ROR1: variants seen among roughly 807,000 people sequenced by gnomAD.
The protein encoded by ROR1 is inactive tyrosine-protein kinase transmembrane receptor ROR1.
In ROR1, 19 loss-of-function variants were observed where a neutral mutation model predicts 78.8. The observed-to-expected ratio is 0.24, with a 90% CI of 0.17 to 0.35. The LOEUF is 0.35. Among genes scored for constraint, ROR1 ranks in the 10% least tolerant of loss-of-function variants. The pLI is 1.00. For missense variants in ROR1, 917 were observed against 1,177.8 expected (o/e 0.78, Z 3.24); for synonymous variants, 386 against 433.6 (o/e 0.89, Z 1.36).
chr1:64,180,205 G>A lies in ROR1; in HGVS notation c.*1350G>A, dbSNP rs1040074420. ...TGCCGACCATCTTTTGCCAAGTTTA[G>A]AATTCTTATGCGTTTCAAGTTCTAT... On this transcript the variant is annotated 3_prime_UTR_variant, in exon 9 of 9. Transcript: ENST00000371079. The A allele has an allele frequency of 2.0e-5, 3 of 152,050 alleles. No homozygotes were observed. The highest frequency in any genetic ancestry group is 4.4e-5 in the Non-Finnish European group (3 of 67,994). 9.4% of individuals were successfully genotyped at this position (152,050 alleles called of 1,614,324 possible).
chr1:64,099,630 T>TTA (rs148813592), intron 4 of ROR1, among the ~76,000 whole-genome samples: 14,019 of 152,246 alleles, frequency 0.092, 861 homozygotes, highest in Non-Finnish European at 0.14. Flanking sequence ...ACCTAATGCT[T>TTA]TAAAGTTTGC....
intron 1 of ROR1, among the ~76,000 whole-genome samples, chr1:63,917,483 GA>G (rs1371981611): frequency 6.6e-6 from 1 of 152,000 alleles, no homozygotes; most frequent in Non-Finnish European, 1.5e-5. Context: ...TGGTAAACAG[GA>G]TTAAGCATCC....
At chr1:63,957,745 G>A (rs1018018392) in intron 1 of ROR1, among the ~76,000 whole-genome samples, 1 of 136,570 alleles carries the variant, frequency 7.3e-6, no homozygotes, top group African/African-American at 2.7e-5. Context: ...TTTGTTTTTT[G>A]TTTTTTTTTT....
intron 1 of ROR1, among the ~76,000 whole-genome samples, chr1:63,900,316 T>TTA (rs1163350939): frequency 2.0e-5 from 3 of 152,020 alleles, no homozygotes; most frequent in Non-Finnish European, 4.4e-5. Flanking sequence ...TAGTTGGGTA[T>TTA]GGTGGCAGGC....
At chr1:63,836,515 T>G (rs1410365805) in intron 1 of ROR1, among the ~76,000 whole-genome samples, 1 of 152,120 alleles carries the variant, frequency 6.6e-6, no homozygotes, top group Non-Finnish European at 1.5e-5. Flanking sequence ...TCTGAGTTGA[T>G]GAGTATAAAA....
intron 1 of ROR1, among the ~76,000 whole-genome samples, chr1:63,923,409 G>C (rs901747170): frequency 6.6e-6 from 1 of 152,106 alleles, no homozygotes; most frequent in African/African-American, 2.4e-5. Flanking sequence ...TGAGTTGTGA[G>C]GGTTAATTGA....
chr1:63,875,002 C>A (rs1270466685), intron 1 of ROR1, among the ~76,000 whole-genome samples: 1 of 152,086 alleles, frequency 6.6e-6, no homozygotes. Flanking sequence ...ATGGAACCAG[C>A]ATTTGCTGGA....
At chr1:63,867,088 G>A (rs1055382419) in intron 1 of ROR1, among the ~76,000 whole-genome samples, 65 of 152,182 alleles carry the variant, frequency 4.3e-4, no homozygotes, top group African/African-American at 1.6e-3. Flanking sequence ...TTTGGCTCCT[G>A]TACTTATACT....
chr1:63,841,254 G>A (rs1421678953), intron 1 of ROR1, among the ~76,000 whole-genome samples: 1 of 152,170 alleles, frequency 6.6e-6, no homozygotes, highest in Non-Finnish European at 1.5e-5. Flanking sequence ...GCTAAATGTG[G>A]AACTTGGAAC....
At chr1:64,173,465 C>T (rs1650295220) in intron 8 of ROR1, among the ~76,000 whole-genome samples, 1 of 152,146 alleles carries the variant, frequency 6.6e-6, no homozygotes, top group South Asian at 2.1e-4. Context: ...AGGTGGCAGG[C>T]CTCTCAGGCT....
intron 7 of ROR1, among the ~76,000 whole-genome samples, chr1:64,145,033 G>A (rs1224678922): frequency 1.3e-5 from 2 of 152,064 alleles, no homozygotes; most frequent in Non-Finnish European, 2.9e-5. Flanking sequence ...AAAACCCTAT[G>A]ATGTCCGAAC....
intron 1 of ROR1, among the ~76,000 whole-genome samples, chr1:63,872,671 C>A (rs1355796388): frequency 6.6e-6 from 1 of 152,144 alleles, no homozygotes; most frequent in African/African-American, 2.4e-5. Context: ...TGAAGGCAGT[C>A]TGATTTTATC....
chr1:64,171,531 T>C (rs1650239863), intron 8 of ROR1, among the ~76,000 whole-genome samples: 1 of 152,170 alleles, frequency 6.6e-6, no homozygotes, highest in African/African-American at 2.4e-5. Context: ...TAGACACTTG[T>C]GTCCAGCCAG....
At chr1:64,042,695 G>A (rs928324186) in intron 2 of ROR1, among the ~76,000 whole-genome samples, 2 of 152,160 alleles carry the variant, frequency 1.3e-5, no homozygotes, top group East Asian at 3.9e-4. Flanking sequence ...CGCTATTTTC[G>A]GCTGATTTTA....
intron 1 of ROR1, among the ~76,000 whole-genome samples, chr1:64,008,362 T>C (rs1176457989): frequency 1.3e-5 from 2 of 152,220 alleles, no homozygotes; most frequent in African/African-American, 4.8e-5. Context: ...TCCAGTCCTC[T>C]GTTGATGGGC....
chr1:63,941,826 G>A (rs1645843123), intron 1 of ROR1, among the ~76,000 whole-genome samples: 1 of 152,150 alleles, frequency 6.6e-6, no homozygotes, highest in South Asian at 2.1e-4. Context: ...ATCTTGGCTA[G>A]CCTTAAAAAG....
At chr1:64,144,257 A>G (rs865813623) in intron 7 of ROR1, among the ~76,000 whole-genome samples, 1 of 152,174 alleles carries the variant, frequency 6.6e-6, no homozygotes, top group Non-Finnish European at 1.5e-5. Flanking sequence ...GTTTTTGTTC[A>G]TGCTGAGTTT....
chr1:64,101,263 A>C (rs1463935541), intron 4 of ROR1, among the ~76,000 whole-genome samples: 3 of 152,164 alleles, frequency 2.0e-5, no homozygotes, highest in African/African-American at 7.2e-5. Flanking sequence ...TGGAGAGGCT[A>C]ATAGTGCCAC....
intron 1 of ROR1, among the ~76,000 whole-genome samples, chr1:63,857,296 C>T (rs1645155152): frequency 6.6e-6 from 1 of 151,842 alleles, no homozygotes; most frequent in Admixed American, 6.6e-5. Flanking sequence ...TGTAGCCTCT[C>T]CTTAGAAGGT....
Sources: gnomAD v4.1 joint callset for allele counts (sites outside exome capture counted in the v4.1 genomes callset) on GRCh38, gnomAD v4.1.1 for gene constraint, MANE v1.5 for transcripts, NCBI Gene and HGNC (gene_info 2026-07-23, HGNC 2026-07-21) for gene names.